SLC25A45: variants seen among roughly 807,000 people sequenced by gnomAD.
SLC25A45 encodes solute carrier family 25 member 45, also known as methylated amino-acid transporter SLC25A45.
In SLC25A45, 22 loss-of-function variants were observed where a neutral mutation model predicts 23.0. That is an observed-to-expected ratio of 0.95 (90% CI 0.68 to 1.36). The LOEUF is 1.36. Ranked by LOEUF, SLC25A45 falls within the 40% of genes most tolerant of loss-of-function variation. The probability of loss-of-function intolerance (pLI) is 0.00; values close to 1 mark genes in which losing one functional copy is unlikely to be tolerated. For missense variants in SLC25A45, 355 were observed against 383.5 expected (o/e 0.93, Z 0.62); for synonymous variants, 136 against 155.0 (o/e 0.88, Z 0.91).
At chr11:65,378,950 GC>G in intron 5 of SLC25A45, 2 of 188,124 alleles carry the variant, frequency 1.1e-5, no homozygotes, top group Non-Finnish European at 2.2e-5. Context: ...GTAGAGCCAG[GC>G]AGGGCCAGGG....
chr11:65,376,877 A>T lies in SLC25A45; in HGVS notation c.539T>A (p.Ile180Asn), dbSNP rs1855223189. 1.9e-6 allele frequency: 3 copies of T among 1,614,034 alleles called. No individual in the cohort carries two copies. Among genetic ancestry groups the T allele is most frequent in the South Asian group, 1.1e-5 (1 of 91,088 alleles). Residue 180 changes from isoleucine to asparagine, a missense_variant, in exon 6 of 7, where the codon ATC (isoleucine) becomes AAC (asparagine). By Grantham distance (149) the Ile-to-Asn change is moderately radical. Transcript: ENST00000398802. ...GAGCCCTTCATAGGTGATGAAGTAGATCCCCACCGTGGGGGTGTCCCTCAG... is the reference window on the plus strand; with the variant it reads ...GAGCCCTTCATAGGTGATGAAGTAGTTCCCCACCGTGGGGGTGTCCCTCAG... The part of the protein sequence containing the change: ...LTLRDTPTVG[I>N]YFITYEGLCR...
intron 5 of SLC25A45, 132 bp downstream of exon 5, chr11:65,379,244 G>A (rs984019547): frequency 2.1e-5 from 22 of 1,054,000 alleles, no homozygotes; most frequent in African/African-American, 4.8e-5. Flanking sequence ...GAAGGCCATA[G>A]CACAGGCCTC....
intron 2 of SLC25A45, chr11:65,380,907 T>C (rs1421275531): frequency 4.0e-6 from 1 of 250,490 alleles, no homozygotes; most frequent in Non-Finnish European, 8.2e-6. Flanking sequence ...GGACAGCAGG[T>C]GAGGTCAAAG....
At chr11:65,382,970 G>A (rs189510618), upstream of SLC25A45, 83 of 152,434 alleles carry the variant, frequency 5.4e-4, no homozygotes, top group African/African-American at 1.9e-3. The surrounding 1 kb of genome is among the most constrained non-coding windows in gnomAD (Gnocchi z 4.4). Flanking sequence ...GGAAGAACTT[G>A]TCTGTCTGGA....
rs1278574965 is a variant in SLC25A45 at position 65,377,010 on chromosome 11, G to A, written c.406C>T (p.Gln136Ter). The change falls in exon 6 of 7, where the codon CAG becomes TAG. Residue 136 changes from glutamine (Q) to a stop codon, truncating the protein, a stop_gained. Coordinates refer to ENST00000398802, the MANE Select transcript of SLC25A45 (RefSeq NM_182556.4). LOFTEE classifies it high-confidence loss of function. Reference sequence around the variant, plus strand: ...TACCGGGGTGGGGGGCTCCCTGGCTGGGCCCTTGGCTCTGTCTGGTTTTGT... The same window carrying A: ...TACCGGGGTGGGGGGCTCCCTGGCTAGGCCCTTGGCTCTGTCTGGTTTTGT... ...RLQNQTEPRAQPGSPPPRYQG... is the reference protein window; with the variant it reads ...RLQNQTEPRA 1 of 1,613,902 alleles carries A rather than the reference G, an allele frequency of 6.2e-7. No individual in the cohort carries two copies. The highest frequency in any genetic ancestry group is 8.5e-7 in the Non-Finnish European group (1 of 1,179,848).
In SLC25A45 at chr11:65,379,395, C is replaced by T. The variant is rs747040742; in HGVS notation, c.320G>A (p.Cys107Tyr). The stretch of plus-strand genomic sequence containing the variant: ...CCTCACCTGCAGGAACCCCCCGGTG[C>T]AGCCCGCTAGGAAGATGTGCATGTA... ...PSYMHIFLAG[C>Y]TGGFLQAYCL... The change falls in exon 5 of 7, where the codon TGC (cysteine) becomes TAC (tyrosine). Residue 107 changes from cysteine to tyrosine, a missense_variant. Cys to Tyr is a radical substitution (Grantham distance 194). Transcript: ENST00000398802. The T allele has an allele frequency of 5.0e-6, 8 of 1,610,880 alleles. No homozygotes were observed. In the East Asian group the frequency reaches 6.7e-5, roughly 13 times the overall value.
chr11:65,382,040 C>T lies in SLC25A45; in HGVS notation c.-18-71G>A. Reference sequence around the variant, plus strand: ...CTCCCCTGGCCCACGCTGATAACCTCCCACTAATGTTTAACCCTGGCGGGA... The same window carrying T: ...CTCCCCTGGCCCACGCTGATAACCTTCCACTAATGTTTAACCCTGGCGGGA... On this transcript the variant is annotated intron_variant, in intron 1 of 6. Coordinates refer to ENST00000398802, the MANE Select transcript of SLC25A45 (RefSeq NM_182556.4). This position sits in a 1 kb window ranked among gnomAD's most constrained non-coding sequence, Gnocchi z 4.4. 1 of 1,126,358 alleles carries T rather than the reference C, an allele frequency of 8.9e-7. No individual in the cohort carries two copies. Among genetic ancestry groups the T allele is most frequent in the Admixed American group, 1.7e-5 (1 of 59,132 alleles). 69.8% of individuals were successfully genotyped at this position (1,126,358 alleles called of 1,614,324 possible).
chr11:65,376,319 G>T lies in SLC25A45; in HGVS notation c.*88C>A. On this transcript the variant is annotated 3_prime_UTR_variant, in exon 7 of 7. Transcript: ENST00000398802. ...TAGGAAGGGCTGAGCCTCTTGCACT[G>T]ATTTGCAAGCTTTCAACCTGGCCTC... is the stretch of plus-strand genomic sequence containing the variant. The T allele has an allele frequency of 1.3e-6, 2 of 1,487,234 alleles. No homozygotes were observed. The highest frequency in any genetic ancestry group is 2.4e-5 in the East Asian group (1 of 41,964). The allele number at this position is 1,487,234 out of a possible 1,614,324, so 92.1% of individuals were successfully genotyped here.
chr11:65,377,410 G>A (rs775179701), intron 5 of SLC25A45: 80 of 1,179,920 alleles, frequency 6.8e-5, no homozygotes, highest in East Asian at 1.0e-4. Context: ...CCCTAAAGCC[G>A]GCAGTGAGCA....
At position 65,375,909 on chromosome 11, in the gene SLC25A45, A is replaced by G. The variant is rs1019145370; in HGVS notation, c.*498T>C. On this transcript the variant is annotated 3_prime_UTR_variant, in exon 7 of 7. Coordinates refer to ENST00000398802, the MANE Select transcript of SLC25A45 (RefSeq NM_182556.4). ...AACCCTGTCTCTACTAAAAATACAA[A>G]AATTTAGCTGGGTGTGGTGGCGGGC... 2 of 158,664 alleles carry G rather than the reference A, an allele frequency of 1.3e-5. No homozygotes were observed. Among genetic ancestry groups the G allele is most frequent in the Non-Finnish European group, 2.8e-5 (2 of 71,928 alleles). The allele number at this position is 158,664 out of a possible 1,614,324, so 9.8% of individuals were successfully genotyped here. A position where few individuals can be genotyped will look rare whatever the true frequency, so the allele number is the denominator to read the frequency against.
Position 65,375,429 on chromosome 11 carries a change from G to C in SLC25A45, c.*978C>G, listed in dbSNP as rs1411010877. 1 of 152,578 alleles carries C rather than the reference G, an allele frequency of 6.6e-6. No homozygotes were observed. Among genetic ancestry groups the C allele is most frequent in the Non-Finnish European group, 1.5e-5 (1 of 68,318 alleles). 9.5% of individuals were successfully genotyped at this position (152,578 alleles called of 1,614,324 possible). ...GGGGAGGTAAGTCAAGGAAGGGTGA[G>C]GGGACTGGGCTCAGCCTGGGTCTCG... is the stretch of plus-strand genomic sequence containing the variant. On this transcript the variant is annotated 3_prime_UTR_variant, in exon 7 of 7. Coordinates refer to ENST00000398802, the MANE Select transcript of SLC25A45 (RefSeq NM_182556.4).
intron 4 of SLC25A45, 140 bp from the exon 5 acceptor site, chr11:65,379,701 G>T: frequency 8.0e-7 from 1 of 1,249,082 alleles, no homozygotes; most frequent in Non-Finnish European, 1.1e-6. Flanking sequence ...GGGATGGGCT[G>T]AGGCTGCGCC....
rs747418043 is a variant in SLC25A45 at position 65,376,410 on chromosome 11, T to C, written c.864A>G (p.Gly288=). 6.2e-7 allele frequency: 1 copy of C among 1,612,736 alleles called. No homozygotes were observed. Among genetic ancestry groups the C allele is most frequent in the Non-Finnish European group, 8.5e-7 (1 of 1,178,804 alleles). The change falls in exon 7 of 7, where the codon GGA becomes GGG. Residue 288 remains glycine (G), a synonymous_variant. Transcript: ENST00000398802. ...GCTGCTGGCATTGCCGCAGGGCTCATCCCCACCAGCGGAGGAGATATTCGT... is the reference window on the plus strand; with the variant it reads ...GCTGCTGGCATTGCCGCAGGGCTCACCCCCACCAGCGGAGGAGATATTCGT... ...LSYEYLLRWW[G]
At chr11:65,379,962 A>C (rs1359416716) in intron 3 of SLC25A45, 24 bp from the exon 4 acceptor site, 1 of 1,613,998 alleles carries the variant, frequency 6.2e-7, no homozygotes, top group Non-Finnish European at 8.5e-7. Context: ...CAGAGCAGGT[A>C]GGGTGGCGGG....
Position 65,379,465 on chromosome 11 carries a change from G to T in SLC25A45, c.250C>A (p.Leu84Ile). Reference sequence around the variant, plus strand: ...CGCTCCTGGTGGGAGGTGGCCGTGAGCACCAGCAGGGTGTTGCTATAGACC... The same window carrying T: ...CGCTCCTGGTGGGAGGTGGCCGTGATCACCAGCAGGGTGTTGCTATAGACC... Reference protein sequence around the residue: ...FGVYSNTLLVLTATSHQERRA... With the variant: ...FGVYSNTLLVITATSHQERRA... Residue 84 changes from leucine to isoleucine, a missense_variant, in exon 5 of 7, where the codon CTC (leucine) becomes ATC (isoleucine). Coordinates refer to ENST00000398802, the MANE Select transcript of SLC25A45 (RefSeq NM_182556.4). 3 of 1,614,094 alleles carry T rather than the reference G, an allele frequency of 1.9e-6. No homozygotes were observed. Among genetic ancestry groups the T allele is most frequent in the South Asian group, 1.1e-5 (1 of 91,086 alleles).
Position 65,376,939 on chromosome 11 carries a change from C to G in SLC25A45, c.477G>C (p.Gly159=), listed in dbSNP as rs201083265. The part of the protein sequence containing the change: ...HCAASIFREE[G]PRGLFRGAWA... Reference sequence around the variant, plus strand: ...AGGCTCCTCGGAACAGCCCCCGGGGCCCCTCCTCCCGGAAGATGGAGGCTG... The same window carrying G: ...AGGCTCCTCGGAACAGCCCCCGGGGGCCCTCCTCCCGGAAGATGGAGGCTG... Residue 159 remains glycine (G), a synonymous_variant, in exon 6 of 7, where the codon GGG becomes GGC. Transcript: ENST00000398802. The G allele has an allele frequency of 3.1e-6, 5 of 1,612,850 alleles. No homozygotes were observed. The highest frequency in any genetic ancestry group is 4.2e-6 in the Non-Finnish European group (5 of 1,179,334).
chr11:65,382,436 T>G lies in SLC25A45; in HGVS notation c.-19+50A>C. The G allele has an allele frequency of 5.5e-6, 1 of 182,692 alleles. No homozygotes were observed. The highest frequency in any genetic ancestry group is 5.4e-5 in the Admixed American group (1 of 18,452). The allele number at this position is 182,692 out of a possible 1,614,324, so 11.3% of individuals were successfully genotyped here. On this transcript the variant is annotated intron_variant, in intron 1 of 6. Transcript: ENST00000398802. The surrounding 1 kb of genome is among the most constrained non-coding windows in gnomAD (Gnocchi z 4.4). Reference sequence around the variant, plus strand: ...ACCAGGGGGTAGGCCCAGCCCGCATTTGCCGCTGCGTGGCAGGGTGGGGAG... The same window carrying G: ...ACCAGGGGGTAGGCCCAGCCCGCATGTGCCGCTGCGTGGCAGGGTGGGGAG...
chr11:65,382,803 T>A (rs1855641543), upstream of SLC25A45: 1 of 152,344 alleles, frequency 6.6e-6, no homozygotes, highest in African/African-American at 2.4e-5. This position sits in a 1 kb window ranked among gnomAD's most constrained non-coding sequence, Gnocchi z 4.4. Context: ...GCCTGTGGAC[T>A]GGCTCTTCCC....
rs766643327 is a variant in SLC25A45, at chr11:65,381,901, GA to G, written c.37+13del. On this transcript the variant is annotated intron_variant, in intron 2 of 6. Coordinates refer to ENST00000398802, the MANE Select transcript of SLC25A45 (RefSeq NM_182556.4). ...ATTGGGTGTGATGTGACAGAAGGAA[GA>G]AAAATGTCTCACCAGAGATCCAGCC... 6 of 1,613,978 alleles carry G rather than the reference GA, an allele frequency of 3.7e-6. No individual in the cohort carries two copies. Among genetic ancestry groups the G allele is most frequent in the African/African-American group, 1.3e-5 (1 of 74,892 alleles).
Sources: gnomAD v4.1 joint callset for allele counts on GRCh38, gnomAD v4.1.1 for gene constraint, Gnocchi (gnomAD v3.1) non-coding constraint, MANE v1.5 for transcripts, NCBI Gene and HGNC (gene_info 2026-07-23, HGNC 2026-07-21) for gene names.